FRMPD4: variants seen among roughly 807,000 people sequenced by gnomAD.
FRMPD4 encodes FERM and PDZ domain containing 4, also known as FERM and PDZ domain-containing protein 4.
FRMPD4 carries 22 observed loss-of-function variants against 94.1 expected under a neutral mutation model. The observed-to-expected ratio is 0.23, with a 90% CI of 0.17 to 0.33. The LOEUF (loss-of-function observed/expected upper bound fraction) is 0.33, where lower values mean the gene tolerates loss of function less well. Ranked by LOEUF, FRMPD4 falls within the 10% of genes least tolerant of loss-of-function variation. The probability of loss-of-function intolerance (pLI) is 1.00; values close to 1 mark genes in which losing one functional copy is unlikely to be tolerated. For missense variants in FRMPD4, 1,111 were observed against 1,339.9 expected, an observed-to-expected ratio of 0.83 and a Z score of 2.67; for synonymous variants, 631 against 548.6, an observed-to-expected ratio of 1.15 and a Z score of -2.10.
At chrX:11,967,695 A>G (rs1296123593) in intron 3 of FRMPD4, among the ~76,000 whole-genome samples, 2 of 107,641 alleles carry the variant, frequency 1.9e-5, no homozygotes, top group Non-Finnish European at 3.8e-5. Context: ...ACTTAACAGG[A>G]ACCGGGAATA....
chrX:12,290,926 T>C (rs2054677188), intron 1 of FRMPD4, among the ~76,000 whole-genome samples: 1 of 111,366 alleles, frequency 9.0e-6, no homozygotes, highest in South Asian at 3.8e-4. Flanking sequence ...ATGGCTTGTT[T>C]TGGAAGAAGA....
At chrX:11,856,888 T>C (rs2053656840) in intron 1 of FRMPD4, among the ~76,000 whole-genome samples, 1 of 111,769 alleles carries the variant, frequency 8.9e-6, no homozygotes, top group African/African-American at 3.3e-5. Context: ...TGTGCAAAAA[T>C]CACTAGCAAT....
intron 3 of FRMPD4, among the ~76,000 whole-genome samples, chrX:11,879,042 T>C (rs1225030059): frequency 8.9e-6 from 1 of 112,211 alleles, no homozygotes; most frequent in African/African-American, 3.2e-5. Flanking sequence ...GGTGGCACTA[T>C]TTGTCTACAA....
chrX:11,964,518 G>A (rs1453188137), intron 3 of FRMPD4, among the ~76,000 whole-genome samples: 1 of 111,130 alleles, frequency 9.0e-6, no homozygotes, highest in Non-Finnish European at 1.9e-5. Context: ...CCAGTTACCT[G>A]CACTACAGAT....
At chrX:11,888,992 G>T (rs1393731942) in intron 3 of FRMPD4, among the ~76,000 whole-genome samples, 1 of 112,051 alleles carries the variant, frequency 8.9e-6, no homozygotes, top group Non-Finnish European at 1.9e-5. Context: ...AATGAGATAT[G>T]CCTGTACTTC....
chrX:12,420,420 T>G (rs2056867459), intron 1 of FRMPD4, among the ~76,000 whole-genome samples: 1 of 111,768 alleles, frequency 8.9e-6, no homozygotes, highest in Non-Finnish European at 1.9e-5. Flanking sequence ...GGCACAGAGC[T>G]CATCAATTCA....
At chrX:11,997,280 G>A (rs1043999335) in intron 3 of FRMPD4, among the ~76,000 whole-genome samples, 2 of 111,241 alleles carry the variant, frequency 1.8e-5, no homozygotes, top group African/African-American at 6.5e-5. Context: ...ATGTTGGTTA[G>A]GAGGCTGCTT....
At chrX:12,642,913 A>T (rs1292802764) in intron 4 of FRMPD4, among the ~76,000 whole-genome samples, 1 of 111,403 alleles carries the variant, frequency 9.0e-6, no homozygotes, top group Non-Finnish European at 1.9e-5. Context: ...AAAAAAAGGA[A>T]AAAGTAAGAA....
chrX:12,095,769 C>G (rs1427303355), intron 3 of FRMPD4, among the ~76,000 whole-genome samples: 2 of 112,344 alleles, frequency 1.8e-5, no homozygotes, highest in Non-Finnish European at 3.8e-5. Flanking sequence ...TGATTTCTTC[C>G]TCTAGAACAG....
intron 1 of FRMPD4, among the ~76,000 whole-genome samples, chrX:12,349,193 G>A (rs1052378732): frequency 9.0e-6 from 1 of 111,711 alleles, no homozygotes; most frequent in Admixed American, 9.5e-5. Context: ...GTGTGGAGGG[G>A]AGCAGTGGGT....
intron 1 of FRMPD4, among the ~76,000 whole-genome samples, chrX:12,459,594 T>C (rs1175098569): frequency 1.8e-5 from 2 of 111,851 alleles, no homozygotes; most frequent in African/African-American, 6.5e-5. Context: ...AGCATAACAT[T>C]TTGAGATTTA....
intron 3 of FRMPD4, among the ~76,000 whole-genome samples, chrX:12,098,916 ACTTGGGGTTTTGCAT>A (rs1426244305): frequency 9.2e-6 from 1 of 108,555 alleles, no homozygotes; most frequent in Non-Finnish European, 1.9e-5. Context: ...CATTCTCCTC[ACTTGGGGTTTTGCAT>A]CTTGGGGTTG....
At chrX:12,367,265 A>AGAT (rs1279973851) in intron 1 of FRMPD4, among the ~76,000 whole-genome samples, 7 of 111,818 alleles carry the variant, frequency 6.3e-5, no homozygotes, top group African/African-American at 2.3e-4. Context: ...TTCTAAATAC[A>AGAT]GATGAGGTTT....
At chrX:12,652,448 A>G (rs1456711859) in intron 4 of FRMPD4, among the ~76,000 whole-genome samples, 5 of 111,747 alleles carry the variant, frequency 4.5e-5, no homozygotes, top group African/African-American at 1.6e-4. Context: ...ATATTGTGCA[A>G]CCATCACCGT....
At chrX:12,477,517 G>A (rs1175289165) in intron 1 of FRMPD4, among the ~76,000 whole-genome samples, 1 of 112,438 alleles carries the variant, frequency 8.9e-6, no homozygotes, top group East Asian at 2.8e-4. Flanking sequence ...TCTCTATGCT[G>A]GGCATCTGAG....
In FRMPD4 at chrX:12,318,431, C is replaced by A. The variant is rs900004322; in HGVS notation, c.41+179419C>A. 2.7e-5 allele frequency among the ~76,000 whole-genome samples: 3 copies of A among 111,638 alleles called. No homozygotes were observed. In the Admixed American group the frequency reaches 2.8e-4, roughly 11 times the overall value. ...TCCTAGCTACTTGGGAGGCTGAGAT[C>A]GGAGGATTGCTTCACTCGGGAAGTC... On this transcript the variant is annotated intron_variant, in intron 1 of 16. Coordinates refer to ENST00000675598, the MANE Select transcript of FRMPD4 (RefSeq NM_001368397.1).
At chrX:12,522,612 T>C (rs1241997122) in intron 2 of FRMPD4, among the ~76,000 whole-genome samples, 2 of 93,039 alleles carry the variant, frequency 2.1e-5, no homozygotes, top group African/African-American at 3.9e-5. Flanking sequence ...TTTTTTTTTT[T>C]TTTCTTTTGA....
chrX:11,912,786 A>G (rs924222999), intron 3 of FRMPD4, among the ~76,000 whole-genome samples: 12 of 109,997 alleles, frequency 1.1e-4, no homozygotes, highest in African/African-American at 3.0e-4. Context: ...AATTACAAAA[A>G]AAAAAAGAAA....
At chrX:11,887,271 G>A (rs1249716999) in intron 3 of FRMPD4, among the ~76,000 whole-genome samples, 2 of 111,785 alleles carry the variant, frequency 1.8e-5, no homozygotes, top group East Asian at 5.6e-4. Flanking sequence ...TCATCCTGTG[G>A]AGTTCTAATA....
Sources: gnomAD v4.1 joint callset for allele counts (sites outside exome capture counted in the v4.1 genomes callset) on GRCh38, gnomAD v4.1.1 for gene constraint, MANE v1.5 for transcripts, NCBI Gene and HGNC (gene_info 2026-07-23, HGNC 2026-07-21) for gene names.